CDH13: variants seen among roughly 807,000 people sequenced by gnomAD.
CDH13 encodes cadherin 13.
In CDH13, 24 loss-of-function variants were observed where a neutral mutation model predicts 63.8. The ratio of observed to expected loss-of-function variants is 0.38; its 90% CI spans 0.27 to 0.53. The LOEUF is 0.53. Ranked by LOEUF, CDH13 falls within the 20% of genes least tolerant of loss-of-function variation. The probability of loss-of-function intolerance (pLI) is 0.85; values close to 1 mark genes in which losing one functional copy is unlikely to be tolerated. For synonymous variants in CDH13, 503 were observed against 355.3 expected, an observed-to-expected ratio of 1.42 and a Z score of -4.67; for missense variants, 1,049 against 903.1, an observed-to-expected ratio of 1.16 and a Z score of -2.07.
At chr16:83,746,014 G>T (rs969151428) in intron 10 of CDH13, among the ~76,000 whole-genome samples, 23 of 152,218 alleles carry the variant, frequency 1.5e-4, no homozygotes, top group African/African-American at 5.3e-4. Flanking sequence ...CCCACGTCCT[G>T]ACTCTACGAT....
At chr16:83,140,544 C>T (rs1239641843) in intron 4 of CDH13, among the ~76,000 whole-genome samples, 2 of 152,170 alleles carry the variant, frequency 1.3e-5, no homozygotes, top group South Asian at 2.1e-4. Context: ...ACCTCGCTGT[C>T]TCAGGTTCAA....
At chr16:83,148,947 G>A (rs927123037) in intron 4 of CDH13, among the ~76,000 whole-genome samples, 1 of 151,962 alleles carries the variant, frequency 6.6e-6, no homozygotes, top group Non-Finnish European at 1.5e-5. Context: ...CTTAAATTAA[G>A]GTAATTGAAA....
At chr16:82,718,689 CAAGAG>C (rs1471484058) in intron 1 of CDH13, among the ~76,000 whole-genome samples, 10 of 152,192 alleles carry the variant, frequency 6.6e-5, no homozygotes, top group Non-Finnish European at 1.3e-4. Context: ...TGGCAGCAGA[CAAGAG>C]AAGAGAACTC....
At chr16:82,802,319 C>T (rs2036902921) in intron 1 of CDH13, among the ~76,000 whole-genome samples, 1 of 152,162 alleles carries the variant, frequency 6.6e-6, no homozygotes, top group East Asian at 1.9e-4. Context: ...CCACAACCAG[C>T]ATTACAGATA....
At chr16:83,434,497 C>T (rs1374233945) in intron 6 of CDH13, among the ~76,000 whole-genome samples, 1 of 152,056 alleles carries the variant, frequency 6.6e-6, no homozygotes, top group Non-Finnish European at 1.5e-5. Flanking sequence ...CTCCCATGCC[C>T]ACTGAAGTGC....
At chr16:83,393,383 T>C (rs531403971) in intron 6 of CDH13, among the ~76,000 whole-genome samples, 1 of 152,286 alleles carries the variant, frequency 6.6e-6, no homozygotes, top group South Asian at 2.1e-4. Flanking sequence ...TGATGATGGA[T>C]GACTGGCTCA....
chr16:83,496,629 A>G (rs933415308), intron 7 of CDH13, among the ~76,000 whole-genome samples: 3 of 152,192 alleles, frequency 2.0e-5, no homozygotes, highest in Non-Finnish European at 4.4e-5. Context: ...AAACACCAAA[A>G]GCAATGGCAA....
chr16:82,793,275 T>C (rs923797363), intron 1 of CDH13, among the ~76,000 whole-genome samples: 1 of 151,860 alleles, frequency 6.6e-6, no homozygotes, highest in African/African-American at 2.4e-5. Context: ...GCAGACATTG[T>C]GGATCTGAGC....
chr16:83,717,751 C>G (rs898926939), intron 10 of CDH13: 1 of 152,278 alleles, frequency 6.6e-6, no homozygotes, highest in East Asian at 1.9e-4. Flanking sequence ...AACCAGCTCC[C>G]CTGCATGCAA....
rs80293418 is a variant in CDH13, at chr16:83,468,692, C to G, written c.782-17785C>G. Among the ~76,000 whole-genome samples the G allele has an allele frequency of 2.1e-3, 326 of 152,232 alleles. 1 individual carries two copies. The highest frequency in any genetic ancestry group is 3.4e-3 in the Middle Eastern group (1 of 294). Reference sequence around the variant, plus strand: ...CCTCTCCCTTTCTGTCTCTTTTCACCGCCTCTCCTTCCCTTCTTTGTTCTT... The same window carrying G: ...CCTCTCCCTTTCTGTCTCTTTTCACGGCCTCTCCTTCCCTTCTTTGTTCTT... On this transcript the variant is annotated intron_variant, in intron 6 of 13. Transcript: ENST00000567109.
At chr16:83,686,408 G>C (rs1193596362) in intron 10 of CDH13, among the ~76,000 whole-genome samples, 1 of 152,098 alleles carries the variant, frequency 6.6e-6, no homozygotes, top group Non-Finnish European at 1.5e-5. Flanking sequence ...GACTTTCCAC[G>C]GGCCTACAAA....
At chr16:82,687,669 CAT>C (rs2150970400) in intron 1 of CDH13, among the ~76,000 whole-genome samples, 1 of 152,130 alleles carries the variant, frequency 6.6e-6, no homozygotes, top group East Asian at 1.9e-4. Context: ...CCTCCCATGA[CAT>C]GTGGGGATTA....
intron 3 of CDH13, among the ~76,000 whole-genome samples, chr16:83,042,965 C>T (rs1003521718): frequency 6.6e-6 from 1 of 152,278 alleles, no homozygotes; most frequent in Admixed American, 6.5e-5. Context: ...GTACCATGCT[C>T]CATGGCAAAA....
chr16:82,842,163 TAC>T (rs1237331745), intron 1 of CDH13, among the ~76,000 whole-genome samples: 40 of 26,218 alleles, frequency 1.5e-3, no homozygotes, highest in South Asian at 4.2e-3. Context: ...TATATATATA[TAC>T]ACACACACAC....
At chr16:83,228,758 C>A (rs953052253) in intron 5 of CDH13, among the ~76,000 whole-genome samples, 1 of 152,138 alleles carries the variant, frequency 6.6e-6, no homozygotes, top group African/African-American at 2.4e-5. Context: ...GACTCGCATG[C>A]TAAGGAGTGA....
chr16:83,210,675 G>T (rs947979234), intron 4 of CDH13, among the ~76,000 whole-genome samples: 2 of 151,828 alleles, frequency 1.3e-5, no homozygotes, highest in African/African-American at 4.8e-5. Flanking sequence ...TGCAGAACTT[G>T]GCAACTCTGT....
intron 1 of CDH13, among the ~76,000 whole-genome samples, chr16:82,658,024 T>G (rs536197716): frequency 6.6e-6 from 1 of 152,354 alleles, no homozygotes; most frequent in East Asian, 1.9e-4. Flanking sequence ...TTTCCTACCA[T>G]GAAGTGTGAT....
At chr16:83,631,240 C>G (rs1910753570) in intron 8 of CDH13, among the ~76,000 whole-genome samples, 1 of 152,186 alleles carries the variant, frequency 6.6e-6, no homozygotes, top group Admixed American at 6.5e-5. Context: ...TTATGAGATG[C>G]TGCTGGAATT....
At chr16:82,837,518 G>A (rs1232340052) in intron 1 of CDH13, among the ~76,000 whole-genome samples, 1 of 152,138 alleles carries the variant, frequency 6.6e-6, no homozygotes, top group Non-Finnish European at 1.5e-5. Flanking sequence ...ATTTATTACG[G>A]TGAAAATATA....
Sources: gnomAD v4.1 joint callset for allele counts (sites outside exome capture counted in the v4.1 genomes callset) on GRCh38, gnomAD v4.1.1 for gene constraint, MANE v1.5 for transcripts, NCBI Gene and HGNC (gene_info 2026-07-23, HGNC 2026-07-21) for gene names.